Variants in CPS1 observed in about 807,000 individuals in gnomAD.
The protein encoded by CPS1 is carbamoyl-phosphate synthase [ammonia], mitochondrial.
CPS1 carries 109 observed loss-of-function variants against 174.6 expected under a neutral mutation model. The observed-to-expected ratio is 0.62, with a 90% CI of 0.53 to 0.73. The LOEUF is 0.73. Ranked by LOEUF, CPS1 falls within the 30% of genes least tolerant of loss-of-function variation. The probability of loss-of-function intolerance (pLI) is 0.00; values close to 1 mark genes in which losing one functional copy is unlikely to be tolerated. For missense variants in CPS1, 1,689 were observed against 1,821.9 expected, an observed-to-expected ratio of 0.93 and a Z score of 1.33; for synonymous variants, 637 against 632.0, an observed-to-expected ratio of 1.01 and a Z score of -0.12.
In CPS1 at chr2:210,639,152, T is replaced by C; in HGVS notation, c.2832T>C (p.Ile944=). 1 of 1,611,368 alleles carries C rather than the reference T, an allele frequency of 6.2e-7. No individual in the cohort carries two copies. The highest frequency in any genetic ancestry group is 8.5e-7 in the Non-Finnish European group (1 of 1,177,614). The part of the protein sequence containing the change: ...KKNIHPWVKQ[I]DTLAAEYPSV... ...ATTTTATTTGTTTTCTCTTACAGAT[T>C]GATACACTGGCTGCAGAATACCCAT... Residue 944 remains isoleucine, a splice_region_variant and synonymous_variant, in exon 23 of 38, where the codon ATT becomes ATC. Transcript: ENST00000233072.
intron 6 of CPS1, among the ~76,000 whole-genome samples, chr2:210,584,594 C>A (rs1698044575): frequency 6.6e-6 from 1 of 152,014 alleles, no homozygotes; most frequent in African/African-American, 2.4e-5. Context: ...AAAATAATAA[C>A]AACCAAGCTT....
rs1040079579 is a variant in CPS1 at position 210,660,300 on chromosome 2, G to A, written c.3757-185G>A. Among the ~76,000 whole-genome samples, 3 of 152,118 alleles carry A rather than the reference G, an allele frequency of 2.0e-5. No homozygotes were observed. In the East Asian group the frequency reaches 5.8e-4, roughly 29 times the overall value. On this transcript the variant is annotated intron_variant, in intron 31 of 37. Transcript: ENST00000233072. Reference sequence around the variant, plus strand: ...GAAAAAGGCATGAAAGAAAGTTAGAGTTCAAAGATACTGACTGAAAGTATC... The same window carrying A: ...GAAAAAGGCATGAAAGAAAGTTAGAATTCAAAGATACTGACTGAAAGTATC...
At chr2:210,660,024 A>T (rs2105922323) in intron 31 of CPS1, among the ~76,000 whole-genome samples, 1 of 152,284 alleles carries the variant, frequency 6.6e-6, no homozygotes, top group East Asian at 1.9e-4. Flanking sequence ...GGAGAGAGTA[A>T]ATAGTTCAGT....
chr2:210,613,223 T>C (rs780652569), intron 20 of CPS1, among the ~76,000 whole-genome samples: 15 of 151,934 alleles, frequency 9.9e-5, no homozygotes, highest in Non-Finnish European at 1.9e-4. Context: ...TTGTTAGTGA[T>C]TTTGAACTCA....
chr2:210,554,840 C>A (rs933384157), upstream of CPS1, among the ~76,000 whole-genome samples: 1 of 145,614 alleles, frequency 6.9e-6, no homozygotes, highest in African/African-American at 2.5e-5. Context: ...CCTCACTACA[C>A]ACACACACAC....
rs200968000 is a variant in CPS1 at position 210,602,276 on chromosome 2, G to T, written c.1782G>T (p.Gly594=). The T allele has an allele frequency of 2.5e-6, 4 of 1,612,588 alleles. No homozygotes were observed. The highest frequency in any genetic ancestry group is 1.7e-5 in the Admixed American group (1 of 59,846). Residue 594 remains glycine, a synonymous_variant, in exon 16 of 38, where the codon GGG becomes GGT. Coordinates refer to ENST00000233072, the MANE Select transcript of CPS1 (RefSeq NM_001875.5). ...VMIRSAYALG[G]LGSGICPNRE... ...TCCGTTCCGCCTATGCACTGGGTGG[G>T]TTAGGCTCAGGCATCTGTCCCAACA...
chr2:210,666,250 T>C (rs1460342861), intron 33 of CPS1, among the ~76,000 whole-genome samples: 5 of 149,710 alleles, frequency 3.3e-5, no homozygotes, highest in Admixed American at 1.3e-4. Flanking sequence ...GAGTAGGTTG[T>C]GAAAATTTTC....
intron 11 of CPS1, chr2:210,593,543 T>A (rs1004115630): frequency 1.0e-6 from 1 of 985,788 alleles, no homozygotes; most frequent in Non-Finnish European, 1.2e-6. Context: ...TAGTTCATTG[T>A]TCAAACCCAT....
intron 1 of CPS1, among the ~76,000 whole-genome samples, chr2:210,527,624 T>G (rs2105996081): frequency 6.6e-6 from 1 of 152,038 alleles, no homozygotes; most frequent in Non-Finnish European, 1.5e-5. Context: ...TCTGAGTGCC[T>G]TAATAGAACC....
intron 1 of CPS1, among the ~76,000 whole-genome samples, chr2:210,535,035 C>T (rs546919584): frequency 8.9e-4 from 136 of 152,332 alleles, no homozygotes; most frequent in African/African-American, 3.3e-3. Flanking sequence ...AGGCTCTACA[C>T]CTCATGCCCT....
At chr2:210,505,611 C>A (rs1266042609) in intron 1 of CPS1, among the ~76,000 whole-genome samples, 1 of 152,060 alleles carries the variant, frequency 6.6e-6, no homozygotes, top group Non-Finnish European at 1.5e-5. Context: ...CCGGGAAGCA[C>A]AAGGGGTCAG....
Position 210,524,402 on chromosome 2 carries a change from A to G in CPS1, c.4-32317A>G, listed in dbSNP as rs559705680. On this transcript the variant is annotated intron_variant, in intron 1 of 38. Transcript: ENST00000430249. The stretch of plus-strand genomic sequence containing the variant: ...TGCGTACTGTATGCTAGTTAATATT[A>G]TAGTGATGAGAATATAGTAGGAAAT... Among the ~76,000 whole-genome samples the G allele has an allele frequency of 2.6e-5, 4 of 152,164 alleles. No homozygotes were observed. In the South Asian group the frequency reaches 8.3e-4, roughly 31 times the overall value.
rs1008844035 is a variant in CPS1 at position 210,526,425 on chromosome 2, G to A, written c.4-30294G>A. On this transcript the variant is annotated intron_variant, in intron 1 of 38. Transcript: ENST00000430249. ...GTTTTATAAATAGGCTGTCCTGGGC[G>A]AAAATTCCAGCTTTATTTCTTTGGT... Among the ~76,000 whole-genome samples, 6 of 151,626 alleles carry A rather than the reference G, an allele frequency of 4.0e-5. No individual in the cohort carries two copies. In the East Asian group the frequency reaches 9.7e-4, roughly 25 times the overall value.
At chr2:210,571,855 TTGTGTGTGTGTGTGTGTG>T (rs71043997) in intron 1 of CPS1, among the ~76,000 whole-genome samples, 19,091 of 139,660 alleles carry the variant, frequency 0.14, 1,236 homozygotes, top group East Asian at 0.24. Flanking sequence ...CTACTAAAGT[TTGTGTGTGTGTGTGTGTG>T]TGTGTGTGTG....
At chr2:210,520,714 C>T (rs969378486) in intron 1 of CPS1, among the ~76,000 whole-genome samples, 1 of 151,884 alleles carries the variant, frequency 6.6e-6, no homozygotes, top group African/African-American at 2.4e-5. Flanking sequence ...TATTTTTTGT[C>T]TAGCTTCTTT....
chr2:210,654,487 C>A (rs1476222992), intron 29 of CPS1, among the ~76,000 whole-genome samples: 2 of 151,988 alleles, frequency 1.3e-5, no homozygotes, highest in Admixed American at 1.3e-4. Flanking sequence ...TTTCTTCTTT[C>A]TTCATTTCCC....
intron 1 of CPS1, among the ~76,000 whole-genome samples, chr2:210,502,717 C>A (rs776789323): frequency 1.3e-4 from 19 of 152,000 alleles, no homozygotes; most frequent in Non-Finnish European, 2.5e-4. Flanking sequence ...CCATCCTGCC[C>A]TGACCCTTCA....
In CPS1 at chr2:210,486,163, G is replaced by GTA. The variant is rs1232900703; in HGVS notation, c.3+8409_3+8410dup. On this transcript the variant is annotated intron_variant, in intron 1 of 38. Coordinates refer to the CPS1 transcript ENST00000430249. ...ACACACACACACACACACACACCCT[G>GTA]TATATATATATATGGTAATGTGTTT... Among the ~76,000 whole-genome samples, 506 of 131,058 alleles carry GTA rather than the reference G, an allele frequency of 3.9e-3. 3 individuals are homozygous for GTA. The highest frequency in any genetic ancestry group is 8.1e-3 in the African/African-American group (289 of 35,684). 86.0% of individuals were successfully genotyped at this position (131,058 alleles called of 152,430 possible).
chr2:210,562,683 A>C lies in CPS1; in HGVS notation c.126+5824A>C, dbSNP rs142540411. Reference sequence around the variant, plus strand: ...AGCTTAGAAACATCAGGTAAGCCAGAAAGCACGTATGTTATATAGCCTTAG... The same window carrying C: ...AGCTTAGAAACATCAGGTAAGCCAGCAAGCACGTATGTTATATAGCCTTAG... On this transcript the variant is annotated intron_variant, in intron 1 of 37. Transcript: ENST00000233072. 7.4e-4 allele frequency among the ~76,000 whole-genome samples: 112 copies of C among 152,286 alleles called. 1 individual carries two copies. The highest frequency in any genetic ancestry group is 4.4e-3 in the East Asian group (23 of 5,182).
Sources: allele counts gnomAD v4.1 joint callset (sites outside exome capture counted in the v4.1 genomes callset), GRCh38; gene constraint gnomAD v4.1.1; transcripts MANE v1.5; gene names NCBI Gene and HGNC (gene_info 2026-07-23, HGNC 2026-07-21).